Variants in MAGI2 observed in about 807,000 individuals in gnomAD.
The protein encoded by MAGI2 is membrane-associated guanylate kinase, WW and PDZ domain-containing protein 2.
MAGI2 carries 35 observed loss-of-function variants against 133.3 expected under a neutral mutation model. The ratio of observed to expected loss-of-function variants is 0.26; its 90% CI spans 0.20 to 0.35. The LOEUF is 0.35. MAGI2 is among the 10% of genes least tolerant of loss of function. The probability of loss-of-function intolerance (pLI) is 1.00; values close to 1 mark genes in which losing one functional copy is unlikely to be tolerated. For synonymous variants in MAGI2, 729 were observed against 710.6 expected (o/e 1.03, Z -0.41); for missense variants, 1,636 against 1,863.4 (o/e 0.88, Z 2.25).
At chr7:78,267,976 A>G (rs1794180801) in intron 9 of MAGI2, among the ~76,000 whole-genome samples, 1 of 152,192 alleles carries the variant, frequency 6.6e-6, no homozygotes, top group Admixed American at 6.5e-5. Context: ...GAGAATCATC[A>G]CCAAAGATTT....
At chr7:79,403,930 G>A (rs914075156) in intron 1 of MAGI2, among the ~76,000 whole-genome samples, 2 of 152,156 alleles carry the variant, frequency 1.3e-5, no homozygotes, top group East Asian at 1.9e-4. Context: ...GAAACCTGCA[G>A]CATTTTGGCA....
chr7:79,409,424 T>C (rs1488937609), intron 1 of MAGI2, among the ~76,000 whole-genome samples: 1 of 151,996 alleles, frequency 6.6e-6, no homozygotes, highest in Non-Finnish European at 1.5e-5. Context: ...CCACTGTGCC[T>C]GGCTTAAAAT....
chr7:79,004,997 G>A (rs1045224811), intron 2 of MAGI2, among the ~76,000 whole-genome samples: 2 of 151,668 alleles, frequency 1.3e-5, no homozygotes, highest in African/African-American at 4.8e-5. Flanking sequence ...CAGGAGAATT[G>A]CTTGAACCTG....
intron 16 of MAGI2, among the ~76,000 whole-genome samples, chr7:78,136,118 TC>T (rs1347996001): frequency 4.4e-4 from 46 of 105,634 alleles, no homozygotes; most frequent in African/African-American, 5.9e-4. Flanking sequence ...CTTTCTTTCT[TC>T]TTTTTTTTTT....
intron 2 of MAGI2, among the ~76,000 whole-genome samples, chr7:78,731,283 G>C (rs928914883): frequency 6.6e-6 from 1 of 152,054 alleles, no homozygotes; most frequent in Non-Finnish European, 1.5e-5. Context: ...TGTAAAAATT[G>C]CTTCTGAAAA....
intron 1 of MAGI2, among the ~76,000 whole-genome samples, chr7:79,230,518 T>G (rs1022524914): frequency 6.6e-6 from 1 of 151,906 alleles, no homozygotes; most frequent in Non-Finnish European, 1.5e-5. Flanking sequence ...ATTGTGGTTT[T>G]GATTTGCATT....
chr7:78,553,085 A>G (rs1301982781), intron 3 of MAGI2, among the ~76,000 whole-genome samples: 2 of 143,104 alleles, frequency 1.4e-5, no homozygotes, highest in East Asian at 4.6e-4. Context: ...TGTAAAATCA[A>G]CTTTAAATTA....
chr7:79,414,113 T>A (rs917090330), intron 1 of MAGI2: 5 of 152,192 alleles, frequency 3.3e-5, no homozygotes, highest in Admixed American at 6.6e-5. Context: ...CATGATACAC[T>A]GCCTTAAATA....
At chr7:78,092,167 T>C (rs960464781) in intron 20 of MAGI2, among the ~76,000 whole-genome samples, 1 of 152,226 alleles carries the variant, frequency 6.6e-6, no homozygotes, top group African/African-American at 2.4e-5. Context: ...CTCATGTCTC[T>C]GAGGTCTACT....
At chr7:79,174,138 G>T (rs1314288782) in intron 1 of MAGI2, among the ~76,000 whole-genome samples, 2 of 152,036 alleles carry the variant, frequency 1.3e-5, no homozygotes, top group Admixed American at 1.3e-4. Flanking sequence ...GCGTGTTCTA[G>T]ATTGTGATGT....
chr7:79,399,095 C>CTTTGTTTTTTTTTTTTTTTTTT (rs1554471826), intron 1 of MAGI2, among the ~76,000 whole-genome samples: 1 of 106,300 alleles, frequency 9.4e-6, no homozygotes, highest in Non-Finnish European at 1.9e-5. Flanking sequence ...TTTTTCTTTT[C>CTTTGTTTTTTTTTTTTTTTTTT]TTTTTTTTTT....
chr7:79,142,160 G>A (rs900905952), intron 1 of MAGI2, among the ~76,000 whole-genome samples: 2 of 151,998 alleles, frequency 1.3e-5, no homozygotes, highest in African/African-American at 4.8e-5. Flanking sequence ...AGATCACTGA[G>A]GCTTAACTAG....
intron 1 of MAGI2, among the ~76,000 whole-genome samples, chr7:79,236,792 A>AT (rs1831955877): frequency 6.6e-6 from 1 of 152,280 alleles, no homozygotes; most frequent in African/African-American, 2.4e-5. Flanking sequence ...TGAGTAAACA[A>AT]TGACAGTTTT....
chr7:78,825,599 T>G (rs991160889), intron 2 of MAGI2, among the ~76,000 whole-genome samples: 1 of 152,222 alleles, frequency 6.6e-6, no homozygotes, highest in South Asian at 2.1e-4. Context: ...AAAAACTAGT[T>G]TTTTTAAAAA....
At chr7:79,208,125 G>A (rs986378902) in intron 1 of MAGI2, among the ~76,000 whole-genome samples, 5 of 151,890 alleles carry the variant, frequency 3.3e-5, no homozygotes, top group Non-Finnish European at 7.4e-5. Flanking sequence ...ATTGGACTGG[G>A]CAATAACTTT....
At chr7:79,208,032 C>T (rs1303630020) in intron 1 of MAGI2, among the ~76,000 whole-genome samples, 4 of 151,846 alleles carry the variant, frequency 2.6e-5, no homozygotes, top group African/African-American at 9.7e-5. Context: ...ATACAAAAAT[C>T]AACTAAAAAT....
At chr7:79,412,425 G>T (rs1388899913) in intron 1 of MAGI2, 1 of 152,120 alleles carries the variant, frequency 6.6e-6, no homozygotes, top group Non-Finnish European at 1.5e-5. Context: ...CTGTCCTGAT[G>T]CTGCAGAAAT....
intron 2 of MAGI2, among the ~76,000 whole-genome samples, chr7:78,876,629 A>G (rs1345075752): frequency 2.0e-5 from 3 of 152,198 alleles, no homozygotes; most frequent in Non-Finnish European, 4.4e-5. Context: ...ACAGCAAAAG[A>G]AAAATGACAC....
chr7:78,119,648 A>G (rs1820233740), intron 20 of MAGI2, among the ~76,000 whole-genome samples: 2 of 151,922 alleles, frequency 1.3e-5, no homozygotes, highest in African/African-American at 4.8e-5. Context: ...ATGATGTATC[A>G]ATACTTATTT....
Sources: allele counts gnomAD v4.1 joint callset (sites outside exome capture counted in the v4.1 genomes callset), GRCh38; gene constraint gnomAD v4.1.1; transcripts MANE v1.5; gene names NCBI Gene and HGNC (gene_info 2026-07-23, HGNC 2026-07-21).